The following LINGO2 variants were observed in gnomAD, a reference collection of about 807,000 sequenced individuals.
LINGO2 encodes leucine-rich repeat and immunoglobulin-like domain-containing nogo receptor-interacting protein 2.
In LINGO2, 14 loss-of-function variants were observed where a neutral mutation model predicts 30.6. The observed-to-expected ratio is 0.46, with a 90% confidence interval of 0.30 to 0.72. The LOEUF is 0.72. LINGO2 is among the 30% of genes least tolerant of loss of function. The probability of loss-of-function intolerance (pLI) is 0.07; values close to 1 mark genes in which losing one functional copy is unlikely to be tolerated. For missense variants in LINGO2, 729 were observed against 751.7 expected, an observed-to-expected ratio of 0.97 and a Z score of 0.35; for synonymous variants, 317 against 288.5, an observed-to-expected ratio of 1.10 and a Z score of -1.00.
intron 3 of LINGO2, among the ~76,000 whole-genome samples, chr9:28,333,790 A>C (rs1825502132): frequency 6.6e-6 from 1 of 152,172 alleles, no homozygotes; most frequent in Non-Finnish European, 1.5e-5. Context: ...ACGGGGTATC[A>C]TCATTGCTCC....
chr9:28,772,051 T>C, the LINGO2 span, among the ~76,000 whole-genome samples: 1 of 152,150 alleles, frequency 6.6e-6, no homozygotes, highest in Non-Finnish European at 1.5e-5. Context: ...CGTTCAACAA[T>C]AAATATTCAC....
the LINGO2 span, among the ~76,000 whole-genome samples, chr9:28,929,907 C>T: frequency 2.6e-5 from 4 of 152,098 alleles, no homozygotes; most frequent in East Asian, 7.7e-4. Context: ...CTGATCTTCA[C>T]CTCATTTCCT....
At chr9:28,496,879 G>C (rs1000532143) in intron 1 of LINGO2, among the ~76,000 whole-genome samples, 1 of 152,078 alleles carries the variant, frequency 6.6e-6, no homozygotes, top group Non-Finnish European at 1.5e-5. Flanking sequence ...CTCAACATTT[G>C]CTTGTCTGTA....
the LINGO2 span, among the ~76,000 whole-genome samples, chr9:29,208,173 T>G: frequency 6.6e-6 from 1 of 151,898 alleles, no homozygotes; most frequent in Non-Finnish European, 1.5e-5. Flanking sequence ...GTAACTGACC[T>G]GACAATAATG....
intron 1 of LINGO2, among the ~76,000 whole-genome samples, chr9:28,538,501 A>T (rs1001666573): frequency 2.6e-5 from 4 of 152,136 alleles, no homozygotes; most frequent in African/African-American, 4.8e-5. Context: ...TTAAATTAAT[A>T]GAATAAAGGA....
intron 2 of LINGO2, among the ~76,000 whole-genome samples, chr9:28,394,735 C>G (rs1327774320): frequency 6.6e-6 from 1 of 152,082 alleles, no homozygotes; most frequent in Non-Finnish European, 1.5e-5. Flanking sequence ...TGTTATTACC[C>G]AGTACTATAC....
the LINGO2 span, among the ~76,000 whole-genome samples, chr9:28,881,599 T>C: frequency 8.7e-6 from 1 of 115,168 alleles, no homozygotes; most frequent in African/African-American, 3.4e-5. Flanking sequence ...ACTGACAACC[T>C]TTTTTTTTTT....
chr9:28,489,379 G>A (rs921958705), intron 1 of LINGO2, among the ~76,000 whole-genome samples: 1 of 152,104 alleles, frequency 6.6e-6, no homozygotes, highest in Non-Finnish European at 1.5e-5. Flanking sequence ...CATGTTGGCT[G>A]GCTAGTCTCG....
At chr9:29,213,562 C>G in the LINGO2 span, among the ~76,000 whole-genome samples, 4 of 152,056 alleles carry the variant, frequency 2.6e-5, no homozygotes, top group Non-Finnish European at 5.9e-5. Flanking sequence ...CCGGCTGGGG[C>G]TTGGCAGCCG....
intron 5 of LINGO2, among the ~76,000 whole-genome samples, chr9:27,991,309 A>G (rs1165591067): frequency 6.6e-6 from 1 of 152,072 alleles, no homozygotes; most frequent in African/African-American, 2.4e-5. Flanking sequence ...TGAAGAGCTT[A>G]GAGAGTAATT....
rs1820060361 is a variant in LINGO2, at chr9:28,197,599, G to T, written c.-87+97609C>A. ...GTCAAAGATTTTAACACAAATAAAA[G>T]CAGTAAAAAGTGGAAGAAAACCTGA... is the stretch of plus-strand genomic sequence containing the variant. On this transcript the variant is annotated intron_variant, in intron 4 of 5. Coordinates refer to ENST00000379992, the Ensembl canonical transcript of LINGO2. Among the ~76,000 whole-genome samples, 3 of 151,904 alleles carry T rather than the reference G, an allele frequency of 2.0e-5. No homozygotes were observed. In the South Asian group the frequency reaches 6.2e-4, roughly 31 times the overall value.
intron 4 of LINGO2, among the ~76,000 whole-genome samples, chr9:28,139,786 TAGAGA>T (rs1347921835): frequency 6.6e-6 from 1 of 152,072 alleles, no homozygotes; most frequent in Non-Finnish European, 1.5e-5. Flanking sequence ...AATATAAGCA[TAGAGA>T]AAACTATGTT....
the LINGO2 span, among the ~76,000 whole-genome samples, chr9:28,767,647 G>T: frequency 6.6e-6 from 1 of 151,912 alleles, no homozygotes; most frequent in Admixed American, 6.6e-5. Flanking sequence ...TTAGCCGGGC[G>T]TGGTGGTGGG....
intron 1 of LINGO2, among the ~76,000 whole-genome samples, chr9:28,644,887 A>T (rs1827767210): frequency 6.6e-6 from 1 of 152,100 alleles, no homozygotes; most frequent in Non-Finnish European, 1.5e-5. Flanking sequence ...TTTAAGCAGA[A>T]GCATCCTACA....
the LINGO2 span, among the ~76,000 whole-genome samples, chr9:29,021,501 C>A: frequency 6.6e-6 from 1 of 151,840 alleles, no homozygotes; most frequent in African/African-American, 2.4e-5. Flanking sequence ...ATTAAAAATA[C>A]AAAAAAATGG....
chr9:29,147,397 A>G, the LINGO2 span, among the ~76,000 whole-genome samples: 1 of 152,142 alleles, frequency 6.6e-6, no homozygotes, highest in African/African-American at 2.4e-5. Context: ...CGGTATATTT[A>G]TTAATCTCCA....
intron 2 of LINGO2, among the ~76,000 whole-genome samples, chr9:28,463,662 T>C (rs1261738292): frequency 6.6e-6 from 1 of 152,080 alleles, no homozygotes; most frequent in Non-Finnish European, 1.5e-5. Context: ...GTTTGTGCTG[T>C]TGTATACAAA....
intron 4 of LINGO2, among the ~76,000 whole-genome samples, chr9:28,107,170 A>T (rs1826620313): frequency 6.6e-6 from 1 of 152,152 alleles, no homozygotes; most frequent in Admixed American, 6.6e-5. Context: ...CACAACATTT[A>T]ACAGAAGTAT....
chr9:28,978,695 T>G, the LINGO2 span, among the ~76,000 whole-genome samples: 1 of 152,118 alleles, frequency 6.6e-6, no homozygotes, highest in Non-Finnish European at 1.5e-5. Flanking sequence ...TTTTTCTTTC[T>G]CCAAAGCTTT....
Sources: allele counts gnomAD v4.1 joint callset (sites outside exome capture counted in the v4.1 genomes callset), GRCh38; gene constraint gnomAD v4.1.1; transcripts MANE v1.5; gene names NCBI Gene and HGNC (gene_info 2026-07-23, HGNC 2026-07-21).